Variants in CACNA1D observed in about 807,000 individuals in gnomAD.
CACNA1D encodes calcium voltage-gated channel subunit alpha1 D, also known as voltage-dependent L-type calcium channel subunit alpha-1D.
A neutral mutation model predicts 257.1 loss-of-function variants in CACNA1D; 55 were observed. The ratio of observed to expected loss-of-function variants is 0.21; its 90% CI spans 0.17 to 0.27. The LOEUF is 0.27. CACNA1D is among the 10% of genes least tolerant of loss of function. CACNA1D has a pLI of 1.00. For missense variants in CACNA1D, 1,876 were observed against 2,784.0 expected (o/e 0.67, Z 7.34); for synonymous variants, 980 against 1,014.9 (o/e 0.97, Z 0.65).
At chr3:53,521,683 G>A (rs1439873591) in intron 3 of CACNA1D, among the ~76,000 whole-genome samples, 1 of 152,062 alleles carries the variant, frequency 6.6e-6, no homozygotes, top group Non-Finnish European at 1.5e-5. Context: ...TTTCAATAAG[G>A]AAGAGTCATG....
chr3:53,811,007 G>A lies in CACNA1D; in HGVS notation c.6193-106G>A. 1.2e-6 allele frequency: 1 copy of A among 847,658 alleles called. No homozygotes were observed. The highest frequency in any genetic ancestry group is 2.1e-6 in the Non-Finnish European group (1 of 486,132). 52.5% of individuals were successfully genotyped at this position (847,658 alleles called of 1,614,324 possible). A position where few individuals can be genotyped will look rare whatever the true frequency, so the allele number is the denominator to read the frequency against. On this transcript the variant is annotated intron_variant, in intron 47 of 47. Transcript: ENST00000350061. The surrounding 1 kb of genome is among the most constrained non-coding windows in gnomAD (Gnocchi z 4.2). ...AACATGATTGAGCTGCATCCCCAAA[G>A]CACACGGTGCAGTTAAGTTAGCACT...
At chr3:53,749,505 G>A (rs201364354) in intron 27 of CACNA1D, 36 bp downstream of exon 27, 9 of 1,454,094 alleles carry the variant, frequency 6.2e-6, no homozygotes, top group African/African-American at 1.4e-5. Context: ...TCTGTCCCTT[G>A]GTCAGGAGCG....
intron 22 of CACNA1D, among the ~76,000 whole-genome samples, chr3:53,743,505 C>T (rs192645592): frequency 6.6e-6 from 1 of 152,296 alleles, no homozygotes; most frequent in Admixed American, 6.5e-5. Flanking sequence ...ACCAGGTGGC[C>T]TTTCAGTTTT....
At chr3:53,797,450 C>A (rs1048685864) in intron 40 of CACNA1D, among the ~76,000 whole-genome samples, 2 of 152,220 alleles carry the variant, frequency 1.3e-5, no homozygotes, top group African/African-American at 4.8e-5. Flanking sequence ...TTCTGACTCT[C>A]TGCTTCTGTG....
chr3:53,516,557 C>T (rs757097874), intron 3 of CACNA1D, among the ~76,000 whole-genome samples: 25 of 152,240 alleles, frequency 1.6e-4, no homozygotes, highest in African/African-American at 5.3e-4. Context: ...CCTGCTGAGA[C>T]GCTGAGGTCA....
At chr3:53,666,196 C>G in intron 6 of CACNA1D, 143 bp from the exon 7 acceptor site, 1 of 813,398 alleles carries the variant, frequency 1.2e-6, no homozygotes. Context: ...TGAAGGGAAC[C>G]TTGAAGGACA....
intron 3 of CACNA1D, among the ~76,000 whole-genome samples, chr3:53,553,644 A>G (rs944702148): frequency 2.0e-5 from 3 of 152,282 alleles, no homozygotes; most frequent in East Asian, 1.9e-4. Flanking sequence ...TTTCCAATGC[A>G]GTTGTAACAG....
intron 3 of CACNA1D, among the ~76,000 whole-genome samples, chr3:53,541,166 G>A (rs2092287816): frequency 6.6e-6 from 1 of 152,022 alleles, no homozygotes; most frequent in South Asian, 2.1e-4. Context: ...TCTAAACATG[G>A]GAACTTCTGG....
intron 3 of CACNA1D, among the ~76,000 whole-genome samples, chr3:53,526,130 C>G (rs2091754900): frequency 6.6e-6 from 1 of 152,216 alleles, no homozygotes; most frequent in Admixed American, 6.5e-5. Context: ...CCCATTGTCT[C>G]AGATTGGGTC....
intron 3 of CACNA1D, among the ~76,000 whole-genome samples, chr3:53,540,226 C>G (rs1350527673): frequency 2.0e-5 from 3 of 152,026 alleles, no homozygotes; most frequent in African/African-American, 7.2e-5. Context: ...TCAAGCGATT[C>G]TCCTGCCTCA....
intron 3 of CACNA1D, among the ~76,000 whole-genome samples, chr3:53,637,994 A>G (rs750454810): frequency 6.6e-6 from 1 of 152,190 alleles, no homozygotes; most frequent in Non-Finnish European, 1.5e-5. Context: ...GCTTCTATTC[A>G]TATATTTACT....
chr3:53,667,439 G>A (rs1338523625), intron 7 of CACNA1D, among the ~76,000 whole-genome samples: 2 of 152,124 alleles, frequency 1.3e-5, no homozygotes, highest in Non-Finnish European at 2.9e-5. Flanking sequence ...AGTCCAAAGG[G>A]GAGTAACCAG....
intron 2 of CACNA1D, among the ~76,000 whole-genome samples, chr3:53,500,173 C>T (rs36029422): frequency 0.26 from 36,970 of 143,286 alleles, 5,396 homozygotes; most frequent in Admixed American, 0.39. Context: ...GAGCAGATTG[C>T]GAGTCCAGAA....
chr3:53,577,858 G>A (rs1050773405), intron 3 of CACNA1D, among the ~76,000 whole-genome samples: 1 of 152,054 alleles, frequency 6.6e-6, no homozygotes, highest in Non-Finnish European at 1.5e-5. Context: ...GCTTCTAAAG[G>A]CACTTCCTTC....
intron 4 of CACNA1D, among the ~76,000 whole-genome samples, chr3:53,658,991 T>A (rs1274523005): frequency 6.6e-6 from 1 of 152,210 alleles, no homozygotes; most frequent in Non-Finnish European, 1.5e-5. Flanking sequence ...GTCTTGGCAA[T>A]CCAGAGGCAC....
chr3:53,679,643 A>G (rs2094410640), intron 8 of CACNA1D: 1 of 152,242 alleles, frequency 6.6e-6, no homozygotes, highest in Admixed American at 6.5e-5. Flanking sequence ...TTAAAAAATA[A>G]CTTCCTATGT....
chr3:53,653,462 T>C (rs191030004), intron 4 of CACNA1D, among the ~76,000 whole-genome samples: 1 of 152,090 alleles, frequency 6.6e-6, no homozygotes, highest in Non-Finnish European at 1.5e-5. Context: ...ACTGCTGTTA[T>C]AAATTTATGG....
chr3:53,779,671 C>A (rs1254049987), intron 37 of CACNA1D, among the ~76,000 whole-genome samples: 1 of 152,110 alleles, frequency 6.6e-6, no homozygotes, highest in African/African-American at 2.4e-5. Flanking sequence ...AGAATTAAAT[C>A]TTCCCCCACC....
chr3:53,608,083 A>G (rs766716169), intron 3 of CACNA1D, among the ~76,000 whole-genome samples: 2 of 152,180 alleles, frequency 1.3e-5, no homozygotes, highest in African/African-American at 4.8e-5. Context: ...CTATATCTCA[A>G]TGTAGGGAGA....
Sources: gnomAD v4.1 joint callset for allele counts (sites outside exome capture counted in the v4.1 genomes callset) on GRCh38, gnomAD v4.1.1 for gene constraint, Gnocchi (gnomAD v3.1) non-coding constraint, MANE v1.5 for transcripts, NCBI Gene and HGNC (gene_info 2026-07-23, HGNC 2026-07-21) for gene names.